Variants in CD207 observed in about 807,000 individuals in gnomAD.
CD207 encodes CD207 molecule, also known as C-type lectin domain family 4 member K.
In CD207, 28 loss-of-function variants were observed where a neutral mutation model predicts 31.6. That is an observed-to-expected ratio of 0.89 (90% CI 0.66 to 1.21). The LOEUF (loss-of-function observed/expected upper bound fraction) is 1.21, where lower values mean the gene tolerates loss of function less well. CD207 is among the 50% of genes most tolerant of loss of function. The pLI is 0.00. For missense variants in CD207, 388 were observed against 397.8 expected (o/e 0.98, Z 0.21); for synonymous variants, 168 against 153.9 (o/e 1.09, Z -0.68).
chr2:70,827,136 T>A (rs377139348), downstream of CD207, among the ~76,000 whole-genome samples: 1 of 152,272 alleles, frequency 6.6e-6, no homozygotes, highest in Admixed American at 6.5e-5. Flanking sequence ...CTCGTCTGTG[T>A]CCCCATCCCA....
downstream of CD207, among the ~76,000 whole-genome samples, chr2:70,827,791 G>C (rs1202891772): frequency 1.1e-5 from 1 of 94,958 alleles, no homozygotes. Flanking sequence ...AAAATGAAGT[G>C]ATTCAATAGA....
the CD207 span, among the ~76,000 whole-genome samples, chr2:70,824,621 CCAAAAAAAAA>C: frequency 1.6e-4 from 6 of 38,252 alleles, no homozygotes; most frequent in East Asian, 3.5e-3. Context: ...TGCTTAGTTA[CCAAAAAAAAA>C]AAAAAAAAAA....
downstream of CD207, among the ~76,000 whole-genome samples, chr2:70,829,646 A>G (rs1677420690): frequency 6.6e-6 from 1 of 152,200 alleles, no homozygotes. Context: ...GGGCCCTGTG[A>G]GGCATAAAAT....
chr2:70,835,230 AG>A (rs1553400774), intron 2 of CD207, among the ~76,000 whole-genome samples: 1 of 152,254 alleles, frequency 6.6e-6, no homozygotes, highest in African/African-American at 2.4e-5. Context: ...ATGTTTCCTG[AG>A]GACAAAAGAA....
In CD207 at chr2:70,833,921, T is replaced by C; in HGVS notation, c.290A>G (p.Lys97Arg). 1 of 1,592,572 alleles carries C rather than the reference T, an allele frequency of 6.3e-7. No individual in the cohort carries two copies. The highest frequency in any genetic ancestry group is 8.6e-7 in the Non-Finnish European group (1 of 1,168,440). The part of the protein sequence containing the change: ...NISTLDSEIK[K>R]NSDGMEAAGV... Reference sequence around the variant, plus strand: ...AGCTGCCTCCATGCCGTCACTATTCTTTTTAATTTCAGAATCCAGGGTGCT... The same window carrying C: ...AGCTGCCTCCATGCCGTCACTATTCCTTTTAATTTCAGAATCCAGGGTGCT... The change falls in exon 3 of 6, where the codon AAG becomes AGG. Residue 97 changes from lysine to arginine, a missense_variant. Transcript: ENST00000410009.
chr2:70,830,710 G>T lies in CD207; in HGVS notation c.*340C>A. 5.1e-6 allele frequency: 1 copy of T among 196,274 alleles called. No homozygotes were observed. Among genetic ancestry groups the T allele is most frequent in the Non-Finnish European group, 1.0e-5 (1 of 96,640 alleles). 12.2% of individuals were successfully genotyped at this position (196,274 alleles called of 1,614,324 possible). ...TGCTTGGTTGCTCTGGAGTAACTTT[G>T]ATGTGATGAAGCTGAGGTTTCTCTG... On this transcript the variant is annotated 3_prime_UTR_variant, in exon 6 of 6. Coordinates refer to ENST00000410009, the MANE Select transcript of CD207 (RefSeq NM_015717.5).
In CD207 at chr2:70,835,788, A is replaced by G. The variant is rs1346750932; in HGVS notation, c.-12T>C. On this transcript the variant is annotated 5_prime_UTR_variant, in exon 1 of 6. Coordinates refer to ENST00000410009, the MANE Select transcript of CD207 (RefSeq NM_015717.5). ...TTCTCCACAGTCATCCTGAGTGCTCACCCTTATCCTGGGAGCACAGGTGCT... is the reference window on the plus strand; with the variant it reads ...TTCTCCACAGTCATCCTGAGTGCTCGCCCTTATCCTGGGAGCACAGGTGCT... The G allele has an allele frequency of 1.9e-6, 3 of 1,602,330 alleles. No individual in the cohort carries two copies. The highest frequency in any genetic ancestry group is 1.3e-5 in the African/African-American group (1 of 74,668).
chr2:70,833,598 T>G (rs1553400233), intron 3 of CD207, 48 bp downstream of exon 3: 1 of 1,526,680 alleles, frequency 6.6e-7, no homozygotes, highest in Admixed American at 2.0e-5. Context: ...ACAGGTAAGA[T>G]CCCATGGGCC....
Position 70,833,721 on chromosome 2 carries a change from CT to C in CD207, c.489del (p.Ala164ProfsTer4). On this transcript the variant is annotated frameshift_variant, in exon 3 of 6. Coordinates refer to ENST00000410009, the MANE Select transcript of CD207 (RefSeq NM_015717.5). LOFTEE classifies it high-confidence loss of function. ...QIPELKSDLE[K>X]ASALNTKIRA... ...CGGATCTTTGTATTTAAAGCACTGG[CT>C]TTCTCCAAATCACTTTTTAACTCTG... 6.2e-7 allele frequency: 1 copy of C among 1,613,920 alleles called. No homozygotes were observed. The highest frequency in any genetic ancestry group is 8.5e-7 in the Non-Finnish European group (1 of 1,179,912).
chr2:70,833,499 C>T lies in CD207; in HGVS notation c.565+147G>A, dbSNP rs553150561. The T allele has an allele frequency of 5.5e-5, 51 of 927,188 alleles. No homozygotes were observed. In the East Asian group the frequency reaches 1.2e-3, roughly 23 times the overall value. 57.4% of individuals were successfully genotyped at this position (927,188 alleles called of 1,614,324 possible). On this transcript the variant is annotated intron_variant, in intron 3 of 5. Transcript: ENST00000410009. ...CCTAAGTCCTCCCCAACCTCAAGCCCTCTCTCCTTAACTTCCTAGCCCATG... is the reference window on the plus strand; with the variant it reads ...CCTAAGTCCTCCCCAACCTCAAGCCTTCTCTCCTTAACTTCCTAGCCCATG...
Position 70,830,895 on chromosome 2 carries a change from C to T in CD207, c.*155G>A. ...CTCCAAGACGTCAGAGAATTTCCAG[C>T]CAAGACAGACGGACTCCAGAATGCC... On this transcript the variant is annotated 3_prime_UTR_variant, in exon 6 of 6. Transcript: ENST00000410009. 1.5e-6 allele frequency: 1 copy of T among 660,718 alleles called. No homozygotes were observed. The highest frequency in any genetic ancestry group is 2.5e-6 in the Non-Finnish European group (1 of 400,874). The allele number at this position is 660,718 out of a possible 1,614,324, so 40.9% of individuals were successfully genotyped here. A position where few individuals can be genotyped will look rare whatever the true frequency, so the allele number is the denominator to read the frequency against.
intron 5 of CD207, 44 bp from the exon 6 acceptor site, chr2:70,831,244 C>G (rs782474746): frequency 1.3e-6 from 2 of 1,567,856 alleles, no homozygotes; most frequent in South Asian, 2.3e-5. Context: ...AGTGGAAAAT[C>G]AAAAAGAACT....
intron 2 of CD207, among the ~76,000 whole-genome samples, chr2:70,834,669 G>A (rs985312644): frequency 7.2e-5 from 11 of 152,182 alleles, no homozygotes; most frequent in African/African-American, 2.7e-4. Context: ...AAACCAAGAG[G>A]CTCAAAGGCG....
chr2:70,829,292 C>G (rs1677413833), downstream of CD207, among the ~76,000 whole-genome samples: 1 of 152,216 alleles, frequency 6.6e-6, no homozygotes, highest in African/African-American at 2.4e-5. Flanking sequence ...TGACACTGTG[C>G]AGGTGAGACT....
In CD207 at chr2:70,833,065, G is replaced by C. The variant is rs782531490; in HGVS notation, c.566-14C>G. On this transcript the variant is annotated splice_polypyrimidine_tract_variant and intron_variant, in intron 3 of 5. Coordinates refer to ENST00000410009, the MANE Select transcript of CD207 (RefSeq NM_015717.5). The stretch of plus-strand genomic sequence containing the variant: ...GTAGAATATCATCTAGAGAACAAGA[G>C]GTAAAAGTGAACGCTGGTATTCTTG... The C allele has an allele frequency of 2.5e-6, 4 of 1,613,646 alleles. No homozygotes were observed. The highest frequency in any genetic ancestry group is 1.1e-5 in the South Asian group (1 of 91,000).
At chr2:70,828,453 G>A (rs1294639623), downstream of CD207, among the ~76,000 whole-genome samples, 1 of 152,318 alleles carries the variant, frequency 6.6e-6, no homozygotes, top group East Asian at 1.9e-4. Flanking sequence ...ACTGACTCAG[G>A]CTCTTTCAGT....
At position 70,832,959 on chromosome 2, in the gene CD207, C is replaced by T. The variant is rs376010760; in HGVS notation, c.658G>A (p.Glu220Lys). The T allele has an allele frequency of 2.9e-5, 47 of 1,613,846 alleles. No individual in the cohort carries two copies. The highest frequency in any genetic ancestry group is 3.7e-5 in the Non-Finnish European group (44 of 1,179,880). Residue 220 changes from glutamate (E) to lysine (K), a missense_variant, in exon 4 of 6, where the codon GAG (glutamate) becomes AAG (lysine). Physicochemically the swap from Glu to Lys is moderately conservative, Grantham distance 56. Coordinates refer to ENST00000410009, the MANE Select transcript of CD207 (RefSeq NM_015717.5). ...GAATTCCTGGACACACAGAACTGCT[C>T]GGCACTATACCAGGTCTTTGGAATG... Reference protein sequence around the residue: ...SLIPKTWYSAEQFCVSRNSHL... With the variant: ...SLIPKTWYSAKQFCVSRNSHL...
chr2:70,826,721 A>G (rs7561215), downstream of CD207, among the ~76,000 whole-genome samples: 93,132 of 152,100 alleles, frequency 0.61, 28,886 homozygotes, highest in Middle Eastern at 0.7. Flanking sequence ...TCTAACTTTA[A>G]AAGGTGAACT....
At chr2:70,834,975 G>A (rs1677571939) in intron 2 of CD207, among the ~76,000 whole-genome samples, 1 of 152,240 alleles carries the variant, frequency 6.6e-6, no homozygotes, top group African/African-American at 2.4e-5. Flanking sequence ...ACAGGGACAG[G>A]AGAATGAAGA....
Sources: gnomAD v4.1 joint callset for allele counts (sites outside exome capture counted in the v4.1 genomes callset) on GRCh38, gnomAD v4.1.1 for gene constraint, MANE v1.5 for transcripts, NCBI Gene and HGNC (gene_info 2026-07-23, HGNC 2026-07-21) for gene names.